The following SNX19 variants were observed in gnomAD, a reference collection of about 807,000 sequenced individuals.
SNX19 encodes the protein sorting nexin-19.
In SNX19, 60 loss-of-function variants were observed where a neutral mutation model predicts 85.2. That is an observed-to-expected ratio of 0.70 (90% CI 0.57 to 0.87). The LOEUF is 0.87. Among genes scored for constraint, SNX19 ranks in the 40% least tolerant of loss-of-function variants. The pLI is 0.00. For synonymous variants in SNX19, 520 were observed against 470.0 expected (o/e 1.11, Z -1.38); for missense variants, 1,201 against 1,217.8 (o/e 0.99, Z 0.21).
chr11:130,903,681 A>G (rs1013781386), intron 7 of SNX19, among the ~76,000 whole-genome samples: 15 of 147,588 alleles, frequency 1.0e-4, no homozygotes, highest in African/African-American at 3.5e-4. Context: ...AAATATATAT[A>G]TGTGTGTATA....
At chr11:130,905,801 C>T (rs1945618813) in intron 7 of SNX19, 152 bp downstream of exon 7, 2 of 1,541,684 alleles carry the variant, frequency 1.3e-6, no homozygotes, top group Non-Finnish European at 1.7e-6. Context: ...ATCTCTGTGC[C>T]CCAACACAGC....
rs1158897279 is a variant in SNX19, at chr11:130,876,187, C to A, written c.*2235G>T. ...TAAAACCTTCCTGGATCAGCACAGG[C>A]CCAATTCTTCCCTGCCTTTTATCAC... On this transcript the variant is annotated 3_prime_UTR_variant, in exon 11 of 11. Coordinates refer to ENST00000265909, the MANE Select transcript of SNX19 (RefSeq NM_014758.3). 3 of 152,142 alleles carry A rather than the reference C, an allele frequency of 2.0e-5. No homozygotes were observed. Among genetic ancestry groups the A allele is most frequent in the Admixed American group, 1.3e-4 (2 of 15,268 alleles). 9.4% of individuals were successfully genotyped at this position (152,142 alleles called of 1,614,324 possible).
rs576308501 is a variant in SNX19 at position 130,883,672 on chromosome 11, C to T, written c.2574-2866G>A. On this transcript the variant is annotated intron_variant, in intron 8 of 10. Coordinates refer to ENST00000265909, the MANE Select transcript of SNX19 (RefSeq NM_014758.3). ...CTTGCCTACGTTCTGCCCACCCTTC[C>T]CCCTGTCAGCAAACAGAGGCTTTAT... Among the ~76,000 whole-genome samples, 4 of 152,276 alleles carry T rather than the reference C, an allele frequency of 2.6e-5. No individual in the cohort carries two copies. The East Asian group carries it at 7.7e-4, about 29-fold the overall frequency.
At chr11:130,911,262 T>C (rs1444951901) in intron 2 of SNX19, among the ~76,000 whole-genome samples, 1 of 151,132 alleles carries the variant, frequency 6.6e-6, no homozygotes, top group Non-Finnish European at 1.5e-5. Flanking sequence ...ATCTGGGTGT[T>C]AAGGAAAGAA....
chr11:130,889,967 A>G (rs1944384006), intron 8 of SNX19, among the ~76,000 whole-genome samples: 1 of 152,194 alleles, frequency 6.6e-6, no homozygotes, highest in South Asian at 2.1e-4. Context: ...TTTCTACTAA[A>G]AAGAATCTCA....
chr11:130,903,836 A>G (rs1394911412), intron 7 of SNX19, among the ~76,000 whole-genome samples: 1 of 152,032 alleles, frequency 6.6e-6, no homozygotes, highest in Non-Finnish European at 1.5e-5. Context: ...AATCACAACT[A>G]GTGACTAAGT....
intron 8 of SNX19, among the ~76,000 whole-genome samples, chr11:130,890,460 G>A (rs1375306274): frequency 6.6e-6 from 1 of 152,110 alleles, no homozygotes; most frequent in Non-Finnish European, 1.5e-5. Flanking sequence ...ATCTGTTTAT[G>A]TTTTGTAAAA....
rs1942875852 is a variant in SNX19, at chr11:130,868,578, T to A, written c.*9844A>T. The A allele has an allele frequency of 2.0e-5, 3 of 152,258 alleles. No individual in the cohort carries two copies. The highest frequency in any genetic ancestry group is 1.3e-4 in the Admixed American group (2 of 15,284). The allele number at this position is 152,258 out of a possible 1,614,324, so 9.4% of individuals were successfully genotyped here. ...AGCTGGTTACTGTAGCAACAGGCCTTCAAAGCTTCACATTTCAAATGGAAG... is the reference window on the plus strand; with the variant it reads ...AGCTGGTTACTGTAGCAACAGGCCTACAAAGCTTCACATTTCAAATGGAAG... On this transcript the variant is annotated 3_prime_UTR_variant, in exon 11 of 11. Transcript: ENST00000265909.
chr11:130,910,534 T>C (rs1260522782), intron 2 of SNX19, among the ~76,000 whole-genome samples, 164 bp from the exon 3 acceptor site: 3 of 152,224 alleles, frequency 2.0e-5, no homozygotes, highest in Non-Finnish European at 4.4e-5. Context: ...ATGATCCATA[T>C]AACACTAAAT....
rs538318987 is a variant in SNX19 at position 130,916,115 on chromosome 11, C to G, written c.-176G>C. On this transcript the variant is annotated 5_prime_UTR_variant, in exon 1 of 11. Coordinates refer to ENST00000265909, the MANE Select transcript of SNX19 (RefSeq NM_014758.3). ...CACTGCAAAGCGACAGCTGCAGCTC[C>G]GCGTCTCCCCATGGCTACCACTAAC... 1 of 609,748 alleles carries G rather than the reference C, an allele frequency of 1.6e-6. No individual in the cohort carries two copies. The highest frequency in any genetic ancestry group is 2.8e-5 in the East Asian group (1 of 36,234). 37.8% of individuals were successfully genotyped at this position (609,748 alleles called of 1,614,324 possible). A position where few individuals can be genotyped will look rare whatever the true frequency, so the allele number is the denominator to read the frequency against.
chr11:130,883,353 T>A (rs1565509996), intron 8 of SNX19, among the ~76,000 whole-genome samples: 2 of 152,020 alleles, frequency 1.3e-5, no homozygotes, highest in Non-Finnish European at 2.9e-5. Context: ...CAGCTGCTGA[T>A]GAGACAAAGA....
At chr11:130,895,365 T>G (rs60402951) in intron 8 of SNX19, among the ~76,000 whole-genome samples, 2,446 of 152,310 alleles carry the variant, frequency 0.016, 64 homozygotes, top group African/African-American at 0.056. Context: ...TTCTTAATAG[T>G]GATAAGCAGA....
intron 8 of SNX19, among the ~76,000 whole-genome samples, chr11:130,893,527 A>C (rs1944649852): frequency 6.6e-6 from 1 of 152,144 alleles, no homozygotes; most frequent in African/African-American, 2.4e-5. Context: ...AGCTACCCAA[A>C]AGTATTTCCA....
intron 8 of SNX19, among the ~76,000 whole-genome samples, chr11:130,900,839 G>A (rs777082264): frequency 2.0e-5 from 3 of 152,128 alleles, no homozygotes; most frequent in Non-Finnish European, 2.9e-5. Flanking sequence ...AAGAAGAAGA[G>A]AAATGAAGGC....
rs981226691 is a variant in SNX19, at chr11:130,871,726, G to A, written c.*6696C>T. On this transcript the variant is annotated 3_prime_UTR_variant, in exon 11 of 11. Transcript: ENST00000265909. Reference sequence around the variant, plus strand: ...ATCTAGCTACATCTTTACTCTCATGGGTTAATCAAAGTTTCTGGAAGTAAT... The same window carrying A: ...ATCTAGCTACATCTTTACTCTCATGAGTTAATCAAAGTTTCTGGAAGTAAT... Among the ~76,000 whole-genome samples the A allele has an allele frequency of 5.3e-5, 8 of 152,214 alleles. No homozygotes were observed. Among genetic ancestry groups the A allele is most frequent in the African/African-American group, 1.7e-4 (7 of 41,530 alleles).
rs1592343688 is a variant in SNX19, at chr11:130,903,377, C to T, written c.2451G>A (p.Glu817=). ...CCAGGGCTGTGTCAGCTAACTCTGT[C>T]TCTGTTCCTGAGGGATAAAATGGCA... ...QDPSNSDPGT[E]TELADTALDL... is the part of the protein sequence containing the mutation. The change falls in exon 8 of 11, where the codon GAG becomes GAA. Residue 817 remains glutamate (E), a synonymous_variant. Coordinates refer to ENST00000265909, the MANE Select transcript of SNX19 (RefSeq NM_014758.3). The T allele has an allele frequency of 6.2e-7, 1 of 1,612,350 alleles. No individual in the cohort carries two copies. The highest frequency in any genetic ancestry group is 8.5e-7 in the Non-Finnish European group (1 of 1,179,808).
Position 130,878,409 on chromosome 11 carries a change from C to A in SNX19, c.*13G>T. The A allele has an allele frequency of 6.2e-7, 1 of 1,611,858 alleles. No individual in the cohort carries two copies. The highest frequency in any genetic ancestry group is 8.5e-7 in the Non-Finnish European group (1 of 1,178,848). On this transcript the variant is annotated 3_prime_UTR_variant, in exon 11 of 11. Transcript: ENST00000265909. The stretch of plus-strand genomic sequence containing the variant: ...CTACTTCCCTGACCTGGGAAGAAGG[C>A]GTGAATAACCAGCTAAGAGGAGACA...
chr11:130,880,558 A>G lies in SNX19; in HGVS notation c.2758+64T>C, dbSNP rs75053989. 2.2e-3 allele frequency: 3,205 copies of G among 1,440,602 alleles called. 47 individuals are homozygous for G. In the African/African-American group the frequency reaches 0.035, roughly 16 times the overall value. 89.2% of individuals were successfully genotyped at this position (1,440,602 alleles called of 1,614,324 possible). On this transcript the variant is annotated intron_variant, in intron 9 of 10. Transcript: ENST00000265909. ...ACAAACAGGAAAAGGTGCAGGGGTA[A>G]TGGTGGCAAAGCAGAATGGAAGAGA...
intron 8 of SNX19, among the ~76,000 whole-genome samples, chr11:130,892,511 T>A (rs1423237402): frequency 6.6e-6 from 1 of 152,200 alleles, no homozygotes; most frequent in Non-Finnish European, 1.5e-5. Context: ...CTGTAAAAAT[T>A]CAACCAGGTT....
Sources: gnomAD v4.1 joint callset for allele counts (sites outside exome capture counted in the v4.1 genomes callset) on GRCh38, gnomAD v4.1.1 for gene constraint, MANE v1.5 for transcripts, NCBI Gene and HGNC (gene_info 2026-07-23, HGNC 2026-07-21) for gene names.